The following STAM variants were observed in gnomAD, a reference collection of about 807,000 sequenced individuals.
STAM encodes signal transducing adaptor molecule.
In STAM, 16 loss-of-function variants were observed where a neutral mutation model predicts 63.4. That is an observed-to-expected ratio of 0.25 (90% CI 0.17 to 0.38). STAM has a LOEUF of 0.38. Ranked by LOEUF, STAM falls within the 10% of genes least tolerant of loss-of-function variation. STAM has a pLI of 1.00. For missense variants in STAM, 636 were observed against 657.1 expected (o/e 0.97, Z 0.35); for synonymous variants, 238 against 223.9 (o/e 1.06, Z -0.56).
At chr10:17,661,982 G>A (rs556209873) in intron 2 of STAM, among the ~76,000 whole-genome samples, 38 of 152,252 alleles carry the variant, frequency 2.5e-4, no homozygotes, top group African/African-American at 8.2e-4. Flanking sequence ...TAACTACTGT[G>A]TGTTACATAT....
In STAM at chr10:17,709,069, C is replaced by T. The variant is rs969263880; in HGVS notation, c.1385+118C>T. 31 of 1,253,454 alleles carry T rather than the reference C, an allele frequency of 2.5e-5. No individual in the cohort carries two copies. The Admixed American group carries it at 4.6e-4, about 19-fold the overall frequency. The allele number at this position is 1,253,454 out of a possible 1,614,324, so 77.6% of individuals were successfully genotyped here. ...ATATCTGTGGTCAGCGTCATGCGGC[C>T]GCCCCATTTGTGCTAATGAGTGGTG... On this transcript the variant is annotated intron_variant, in intron 13 of 13. Transcript: ENST00000377524.
chr10:17,694,388 G>GT (rs1281946253), intron 6 of STAM, among the ~76,000 whole-genome samples: 1 of 152,002 alleles, frequency 6.6e-6, no homozygotes, highest in Admixed American at 6.6e-5. Flanking sequence ...TTTTCGTATT[G>GT]TTTCTTTTAT....
intron 2 of STAM, among the ~76,000 whole-genome samples, chr10:17,663,181 T>C (rs1834241350): frequency 6.6e-6 from 1 of 152,172 alleles, no homozygotes; most frequent in South Asian, 2.1e-4. Context: ...TAGAGATCAA[T>C]TTGTTTTTCT....
chr10:17,661,579 A>C (rs1834167115), intron 2 of STAM, among the ~76,000 whole-genome samples: 1 of 152,118 alleles, frequency 6.6e-6, no homozygotes, highest in Non-Finnish European at 1.5e-5. Context: ...CCTTCATCTC[A>C]CCATCTAGAA....
chr10:17,669,884 CTT>C (rs76381388), intron 2 of STAM, among the ~76,000 whole-genome samples: 3 of 120,758 alleles, frequency 2.5e-5, no homozygotes, highest in East Asian at 2.4e-4. Context: ...CTTTTCTTTT[CTT>C]TTTTTTTTTT....
At chr10:17,660,369 C>G in intron 1 of STAM, 95 bp from the exon 2 acceptor site, 2 of 782,310 alleles carry the variant, frequency 2.6e-6, no homozygotes, top group Non-Finnish European at 4.0e-6. Flanking sequence ...GTTGTTAAGA[C>G]TTGATTATAC....
At chr10:17,707,528 G>A (rs1836347012) in intron 12 of STAM, among the ~76,000 whole-genome samples, 1 of 152,184 alleles carries the variant, frequency 6.6e-6, no homozygotes, top group Non-Finnish European at 1.5e-5. Flanking sequence ...TGAGGGGCCA[G>A]CACCCTGTAG....
intron 2 of STAM, among the ~76,000 whole-genome samples, chr10:17,666,798 T>C (rs1273120813): frequency 6.6e-6 from 1 of 152,184 alleles, no homozygotes; most frequent in South Asian, 2.1e-4. Flanking sequence ...GGAAAAATAA[T>C]CTCTGAGCTG....
At chr10:17,698,543 T>C (rs1554827937) in intron 8 of STAM, among the ~76,000 whole-genome samples, 1 of 151,920 alleles carries the variant, frequency 6.6e-6, no homozygotes, top group African/African-American at 2.4e-5. Flanking sequence ...TGTAGTGGGG[T>C]TGTAGTTCTC....
At chr10:17,664,654 G>A (rs1834305966) in intron 2 of STAM, among the ~76,000 whole-genome samples, 1 of 152,118 alleles carries the variant, frequency 6.6e-6, no homozygotes, top group South Asian at 2.1e-4. Context: ...ACATGTAAGT[G>A]GGTTGAGAGG....
chr10:17,679,334 T>C (rs190454010), intron 2 of STAM, among the ~76,000 whole-genome samples: 51 of 152,326 alleles, frequency 3.3e-4, no homozygotes, highest in African/African-American at 1.1e-3. Flanking sequence ...GAGCATTTGT[T>C]ATGTGCTTAT....
chr10:17,681,912 T>C (rs1835102112), intron 2 of STAM, among the ~76,000 whole-genome samples: 1 of 152,256 alleles, frequency 6.6e-6, no homozygotes, highest in South Asian at 2.1e-4. Context: ...GTAGGTTATA[T>C]GAATGATTAC....
chr10:17,654,862 A>G (rs1366533704), intron 1 of STAM, among the ~76,000 whole-genome samples: 2 of 152,164 alleles, frequency 1.3e-5, no homozygotes, highest in African/African-American at 2.4e-5. Flanking sequence ...AAGCAGTGCA[A>G]ACACCTGAGA....
At chr10:17,695,362 G>A (rs79344034) in intron 7 of STAM, 121 bp downstream of exon 7, 63,840 of 892,664 alleles carry the variant, frequency 0.072, 2,509 homozygotes, top group Middle Eastern at 0.13. Context: ...ATGCTGCTCT[G>A]TATGACAGTT....
intron 2 of STAM, among the ~76,000 whole-genome samples, chr10:17,681,732 A>T (rs1325238739): frequency 1.3e-5 from 2 of 152,224 alleles, no homozygotes; most frequent in African/African-American, 4.8e-5. Context: ...AGCATGTTTA[A>T]GTGACAGGTA....
Position 17,684,940 on chromosome 10 carries a change from A to G in STAM, c.297+13A>G. ...CGTATTAAATAAGGTAAGGAGCATT[A>G]TTTCCAGAAATTAATTAAGGCAGTC... On this transcript the variant is annotated intron_variant, in intron 4 of 13. Transcript: ENST00000377524. The G allele has an allele frequency of 6.3e-7, 1 of 1,585,890 alleles. No homozygotes were observed. Among genetic ancestry groups the G allele is most frequent in the Middle Eastern group, 1.7e-4 (1 of 5,804 alleles).
At chr10:17,699,742 G>A (rs1009300297) in intron 8 of STAM, among the ~76,000 whole-genome samples, 5 of 152,174 alleles carry the variant, frequency 3.3e-5, no homozygotes, top group Admixed American at 6.5e-5. Context: ...TTACATTGGA[G>A]TAGTGTGGAT....
chr10:17,714,944 CT>C lies in STAM; in HGVS notation c.*169del. 1 of 667,558 alleles carries C rather than the reference CT, an allele frequency of 1.5e-6. No homozygotes were observed. The highest frequency in any genetic ancestry group is 2.5e-6 in the Non-Finnish European group (1 of 393,586). The allele number at this position is 667,558 out of a possible 1,614,324, so 41.4% of individuals were successfully genotyped here. On this transcript the variant is annotated 3_prime_UTR_variant, in exon 14 of 14. Transcript: ENST00000377524. Reference sequence around the variant, plus strand: ...TAGAACTCTCCTCAATTTACACTGACTTTTTAGAGGTTCTTCCCCCCCCGCC... The same window carrying C: ...TAGAACTCTCCTCAATTTACACTGACTTTTAGAGGTTCTTCCCCCCCCGCC...
At chr10:17,664,637 G>T (rs1834304889) in intron 2 of STAM, among the ~76,000 whole-genome samples, 1 of 152,144 alleles carries the variant, frequency 6.6e-6, no homozygotes, top group Admixed American at 6.5e-5. Context: ...CTTTAGAGAA[G>T]ACTATAACAT....
Sources: allele counts gnomAD v4.1 joint callset (sites outside exome capture counted in the v4.1 genomes callset), GRCh38; gene constraint gnomAD v4.1.1; transcripts MANE v1.5; gene names NCBI Gene and HGNC (gene_info 2026-07-23, HGNC 2026-07-21).